Variants in NLRP5 observed in about 807,000 individuals in gnomAD.
NLRP5 encodes NLR family pyrin domain containing 5, also known as NACHT, LRR and PYD domains-containing protein 5.
A neutral mutation model predicts 113.1 loss-of-function variants in NLRP5; 93 were observed. The observed-to-expected ratio is 0.82, with a 90% CI of 0.70 to 0.98. The LOEUF is 0.98. NLRP5 is among the 50% of genes least tolerant of loss of function. The probability of loss-of-function intolerance (pLI) is 0.00; values close to 1 mark genes in which losing one functional copy is unlikely to be tolerated. For synonymous variants in NLRP5, 751 were observed against 600.7 expected, an observed-to-expected ratio of 1.25 and a Z score of -3.66; for missense variants, 1,808 against 1,514.3, an observed-to-expected ratio of 1.19 and a Z score of -3.22.
Position 56,028,294 on chromosome 19 carries a change from C to T in NLRP5, c.2061C>T (p.Ala687=), listed in dbSNP as rs757036534. 3.7e-6 allele frequency: 6 copies of T among 1,613,976 alleles called. No homozygotes were observed. The highest frequency in any genetic ancestry group is 1.6e-4 in the Middle Eastern group (1 of 6,062). ...CCACCCCAGGAGACACCCTGGACGC[C>T]TTCCACTGTCTTTTCGAGACTCAAG... is the stretch of plus-strand genomic sequence containing the variant. The change falls in exon 7 of 15, where the codon GCC becomes GCT. Residue 687 remains alanine, a synonymous_variant. Transcript: ENST00000390649.
At chr19:56,028,718 C>T (rs1045262466) in intron 7 of NLRP5, among the ~76,000 whole-genome samples, 2 of 152,100 alleles carry the variant, frequency 1.3e-5, no homozygotes, top group African/African-American at 2.4e-5. Flanking sequence ...TACAGGGCCC[C>T]GCCTAAGACT....
chr19:56,054,854 A>G (rs937294863), intron 13 of NLRP5, among the ~76,000 whole-genome samples: 1 of 152,104 alleles, frequency 6.6e-6, no homozygotes, highest in African/African-American at 2.4e-5. Flanking sequence ...GAACTACTCT[A>G]GAATGGAATG....
rs764101909 is a variant in NLRP5 at position 56,027,813 on chromosome 19, T to G, written c.1580T>G (p.Val527Gly). 1.2e-5 allele frequency: 20 copies of G among 1,613,866 alleles called. No individual in the cohort carries two copies. The highest frequency in any genetic ancestry group is 4.4e-5 in the South Asian group (4 of 91,086). Reference sequence around the variant, plus strand: ...TGTCTCAATCTGGAGGAAAGAGTTGTCCTGAAGCGCTTCTGCCGTATGGCT... The same window carrying G: ...TGTCTCAATCTGGAGGAAAGAGTTGGCCTGAAGCGCTTCTGCCGTATGGCT... Residue 527 changes from valine to glycine, a missense_variant, in exon 7 of 15, where the codon GTC becomes GGC. Coordinates refer to ENST00000390649, the MANE Select transcript of NLRP5 (RefSeq NM_153447.4).
At chr19:56,041,160 G>A (rs2123323698) in intron 11 of NLRP5, 68 bp downstream of exon 11, 2 of 1,507,998 alleles carry the variant, frequency 1.3e-6, no homozygotes, top group East Asian at 4.5e-5. Flanking sequence ...AGCTCTCAAA[G>A]CAGAAGGCAG....
In NLRP5 at chr19:56,058,298, T is replaced by G; in HGVS notation, c.3358T>G (p.Cys1120Gly). 2 of 1,614,022 alleles carry G rather than the reference T, an allele frequency of 1.2e-6. No individual in the cohort carries two copies. Among genetic ancestry groups the G allele is most frequent in the Non-Finnish European group, 1.7e-6 (2 of 1,179,870 alleles). ...TGAGGCACTCTCCTTGGCCCTTTCCTGCAACCGGCATCTGACCAGTCTAAA... is the reference window on the plus strand; with the variant it reads ...TGAGGCACTCTCCTTGGCCCTTTCCGGCAACCGGCATCTGACCAGTCTAAA... Residue 1120 changes from cysteine to glycine, a missense_variant, in exon 14 of 15, where the codon TGC becomes GGC. Coordinates refer to ENST00000390649, the MANE Select transcript of NLRP5 (RefSeq NM_153447.4).
At chr19:56,028,849 C>G (rs144685875) in intron 7 of NLRP5, among the ~76,000 whole-genome samples, 2,022 of 152,212 alleles carry the variant, frequency 0.013, 47 homozygotes, top group African/African-American at 0.046. Flanking sequence ...ACTGCAAACT[C>G]CACCTCCCAG....
Position 56,028,419 on chromosome 19 carries a change from A to T in NLRP5, c.2186A>T (p.His729Leu), listed in dbSNP as rs778578679. 6.2e-7 allele frequency: 1 copy of T among 1,613,808 alleles called. No individual in the cohort carries two copies. Among genetic ancestry groups the T allele is most frequent in the African/African-American group, 1.3e-5 (1 of 74,936 alleles). Residue 729 changes from histidine (H) to leucine (L), a missense_variant, in exon 7 of 15, where the codon CAC (histidine) becomes CTC (leucine). By Grantham distance (99) the His-to-Leu change is moderately conservative. Coordinates refer to ENST00000390649, the MANE Select transcript of NLRP5 (RefSeq NM_153447.4). ...ATAGCATCTTCCTTCTGCCTCCAGC[A>T]CTGTCCGTATTTGCGGAAAATTCGG...
At chr19:55,995,984 T>C (rs74690801), upstream of NLRP5, among the ~76,000 whole-genome samples, 1,220 of 152,226 alleles carry the variant, frequency 8.0e-3, 22 homozygotes, top group African/African-American at 0.027. Flanking sequence ...AAAATCAACA[T>C]TTTTGTATGT....
At chr19:56,032,888 G>A (rs925792224) in intron 8 of NLRP5, 107 bp downstream of exon 8, 4 of 1,112,828 alleles carry the variant, frequency 3.6e-6, no homozygotes, top group Admixed American at 4.5e-5. Context: ...CAGCCTGAGG[G>A]CATAAGTGCC....
rs1241512071 is a variant in NLRP5, at chr19:56,028,077, C to T, written c.1844C>T (p.Thr615Ile). 2 of 1,613,912 alleles carry T rather than the reference C, an allele frequency of 1.2e-6. No individual in the cohort carries two copies. The highest frequency in any genetic ancestry group is 1.1e-5 in the South Asian group (1 of 91,084). ...CTCTGCCCTCTGTACGTTGAGAAGA[C>T]AAAGAGGTCCATGGAGCTTAAACAG... The change falls in exon 7 of 15, where the codon ACA (threonine) becomes ATA (isoleucine). Residue 615 changes from threonine (T) to isoleucine (I), a missense_variant. Thr to Ile is a moderately conservative substitution (Grantham distance 89). Transcript: ENST00000390649.
At chr19:55,997,399 G>A (rs144740386), upstream of NLRP5, among the ~76,000 whole-genome samples, 4 of 152,236 alleles carry the variant, frequency 2.6e-5, no homozygotes, top group Admixed American at 6.5e-5. Flanking sequence ...CATGAGAGAC[G>A]TTGGCCTGTA....
chr19:56,002,269 T>C (rs114436711), intron 1 of NLRP5, among the ~76,000 whole-genome samples: 3,275 of 152,250 alleles, frequency 0.022, 83 homozygotes, highest in East Asian at 0.064. Flanking sequence ...CCTTTTAGTG[T>C]ATGTATATTA....
the NLRP5 span, among the ~76,000 whole-genome samples, chr19:55,989,823 C>T: frequency 1.8e-4 from 28 of 152,198 alleles, no homozygotes; most frequent in East Asian, 3.1e-3. Context: ...GTTTTACACA[C>T]GGCTGGGTCT....
At chr19:56,021,285 G>A (rs1373356005) in intron 6 of NLRP5, among the ~76,000 whole-genome samples, 2 of 152,168 alleles carry the variant, frequency 1.3e-5, no homozygotes, top group African/African-American at 4.8e-5. Context: ...AGATGTAAGA[G>A]CAGGCTTCCC....
chr19:56,000,389 G>C (rs777661693), intron 1 of NLRP5, among the ~76,000 whole-genome samples: 40 of 151,940 alleles, frequency 2.6e-4, no homozygotes, highest in Middle Eastern at 6.8e-3. Flanking sequence ...TTTTAAGACA[G>C]AGTCTCATTC....
the NLRP5 span, among the ~76,000 whole-genome samples, chr19:55,990,494 C>T: frequency 0.06 from 9,167 of 151,744 alleles, 302 homozygotes; most frequent in Middle Eastern, 0.095. Flanking sequence ...GGTTTGAGAC[C>T]AGCCTGACTA....
intron 1 of NLRP5, among the ~76,000 whole-genome samples, chr19:56,003,369 G>C (rs554888088): frequency 6.6e-6 from 1 of 152,126 alleles, no homozygotes; most frequent in African/African-American, 2.4e-5. Flanking sequence ...GGCCAGGCTG[G>C]TCTTGAACTC....
At chr19:56,007,694 C>A (rs492221) in intron 2 of NLRP5, among the ~76,000 whole-genome samples, 4 of 150,926 alleles carry the variant, frequency 2.7e-5, no homozygotes, top group African/African-American at 4.9e-5. Flanking sequence ...TCAAACTTTC[C>A]TTTCAGCACT....
intron 7 of NLRP5, 50 bp downstream of exon 7, chr19:56,028,559 C>T: frequency 6.5e-7 from 1 of 1,528,110 alleles, no homozygotes; most frequent in Non-Finnish European, 8.9e-7. Flanking sequence ...AGCTCTGTGT[C>T]TCTACTGCTG....
Sources: allele counts gnomAD v4.1 joint callset (sites outside exome capture counted in the v4.1 genomes callset), GRCh38; gene constraint gnomAD v4.1.1; transcripts MANE v1.5; gene names NCBI Gene and HGNC (gene_info 2026-07-23, HGNC 2026-07-21).